Variants in OTUD7A observed in about 807,000 individuals in gnomAD.
The protein encoded by OTUD7A is OTU domain-containing protein 7A.
A neutral mutation model predicts 65.7 loss-of-function variants in OTUD7A; 12 were observed. The observed-to-expected ratio is 0.18, with a 90% CI of 0.12 to 0.30. OTUD7A has a LOEUF of 0.30. Among genes scored for constraint, OTUD7A ranks in the 10% least tolerant of loss-of-function variants. The pLI is 1.00. For synonymous variants in OTUD7A, 641 were observed against 586.3 expected (o/e 1.09, Z -1.35); for missense variants, 1,148 against 1,304.8 (o/e 0.88, Z 1.85).
chr15:31,838,659 C>A (rs879445768), intron 1 of OTUD7A, among the ~76,000 whole-genome samples: 1 of 24,340 alleles, frequency 4.1e-5, no homozygotes, highest in Non-Finnish European at 1.0e-4. Flanking sequence ...TCTCAAAGAC[C>A]CCCCCCCACT....
At chr15:31,801,661 C>T (rs938163315) in intron 1 of OTUD7A, among the ~76,000 whole-genome samples, 17 of 152,184 alleles carry the variant, frequency 1.1e-4, no homozygotes, top group African/African-American at 3.4e-4. Flanking sequence ...TACATTTCTA[C>T]ATTGTGCTGT....
chr15:31,732,160 C>T lies in OTUD7A; in HGVS notation c.-99-75083G>A, dbSNP rs116529977. Among the ~76,000 whole-genome samples, 379 of 152,334 alleles carry T rather than the reference C, an allele frequency of 2.5e-3. 1 individual carries two copies. Among genetic ancestry groups the T allele is most frequent in the African/African-American group, 8.6e-3 (356 of 41,570 alleles). On this transcript the variant is annotated intron_variant, in intron 1 of 12. Coordinates refer to ENST00000307050, the MANE Select transcript of OTUD7A (RefSeq NM_001382637.1). The stretch of plus-strand genomic sequence containing the variant: ...TACACTTCATGGCCTTTTCCTACAA[C>T]TATTTTTCTTTACTTAGTCATGCAA...
intron 1 of OTUD7A, among the ~76,000 whole-genome samples, chr15:31,835,607 G>T (rs532405204): frequency 3.3e-5 from 5 of 152,206 alleles, no homozygotes; most frequent in African/African-American, 9.6e-5. Flanking sequence ...TCTCCAAACT[G>T]CCCTATTGTT....
chr15:31,637,329 A>AC (rs1325832102), intron 3 of OTUD7A, among the ~76,000 whole-genome samples: 2 of 152,214 alleles, frequency 1.3e-5, no homozygotes, highest in Admixed American at 6.5e-5. Flanking sequence ...TGGGCACAGC[A>AC]CATCTGTTGA....
chr15:31,664,791 G>T (rs1188563814), intron 1 of OTUD7A, among the ~76,000 whole-genome samples: 1 of 152,144 alleles, frequency 6.6e-6, no homozygotes, highest in Non-Finnish European at 1.5e-5. Context: ...ATAGTTTCAG[G>T]TCTTAGATAT....
At chr15:31,699,229 G>A (rs1228453566) in intron 1 of OTUD7A, among the ~76,000 whole-genome samples, 1 of 151,902 alleles carries the variant, frequency 6.6e-6, no homozygotes, top group African/African-American at 2.4e-5. Context: ...ACAGGCGCCC[G>A]CCACCACGCC....
intron 1 of OTUD7A, among the ~76,000 whole-genome samples, chr15:31,738,960 T>C (rs1343197983): frequency 6.6e-6 from 1 of 152,190 alleles, no homozygotes; most frequent in African/African-American, 2.4e-5. Context: ...AGATACCAAG[T>C]ACAGAGGTCT....
chr15:31,787,702 G>C (rs965957682), intron 1 of OTUD7A: 1 of 152,154 alleles, frequency 6.6e-6, no homozygotes, highest in Non-Finnish European at 1.5e-5. Context: ...GAAACCCTTT[G>C]AATAAAAACA....
intron 1 of OTUD7A, among the ~76,000 whole-genome samples, chr15:31,845,558 T>C (rs1053800451): frequency 1.3e-5 from 2 of 152,206 alleles, no homozygotes; most frequent in African/African-American, 4.8e-5. Context: ...GGCAGGGGAA[T>C]CATGCTCAGC....
rs61514382 is a variant in OTUD7A, at chr15:31,483,022, T to G, written c.*272A>C. ...TCTTACTGAGGAACAAAAATACTCT[T>G]GCAATGGCTATTGAGTTTCCACAGG... On this transcript the variant is annotated 3_prime_UTR_variant, in exon 13 of 13. Transcript: ENST00000307050. 0.014 allele frequency: 2,323 copies of G among 167,446 alleles called. 53 individuals are homozygous for G. Among genetic ancestry groups the G allele is most frequent in the African/African-American group, 0.052 (2,183 of 41,740 alleles). 10.4% of individuals were successfully genotyped at this position (167,446 alleles called of 1,614,324 possible). A position where few individuals can be genotyped will look rare whatever the true frequency, so the allele number is the denominator to read the frequency against.
At chr15:31,725,717 T>C (rs1440006356) in intron 1 of OTUD7A, among the ~76,000 whole-genome samples, 1 of 152,214 alleles carries the variant, frequency 6.6e-6, no homozygotes, top group African/African-American at 2.4e-5. Flanking sequence ...GAAATATAAG[T>C]GGCAGATGTC....
At chr15:31,768,169 A>T (rs1371885320) in intron 1 of OTUD7A, 1 of 1,493,216 alleles carries the variant, frequency 6.7e-7, no homozygotes. Flanking sequence ...TGGTGGCCCG[A>T]TAAGGCCCGG....
intron 1 of OTUD7A, among the ~76,000 whole-genome samples, chr15:31,664,471 G>T (rs867386754): frequency 1.3e-5 from 2 of 151,980 alleles, no homozygotes; most frequent in African/African-American, 2.4e-5. Context: ...CTTCTTTTGA[G>T]AACTGTCTAT....
At chr15:31,561,548 C>A (rs565376150) in intron 4 of OTUD7A, among the ~76,000 whole-genome samples, 3 of 152,276 alleles carry the variant, frequency 2.0e-5, no homozygotes, top group African/African-American at 7.2e-5. Flanking sequence ...TCAGCACCCA[C>A]ATGAGACACT....
At chr15:31,616,853 A>C (rs1265966826) in intron 3 of OTUD7A, among the ~76,000 whole-genome samples, 6 of 152,184 alleles carry the variant, frequency 3.9e-5, no homozygotes, top group Non-Finnish European at 8.8e-5. Flanking sequence ...CAGCTTTTAC[A>C]TTTTAAGTTT....
intron 1 of OTUD7A, among the ~76,000 whole-genome samples, chr15:31,749,912 C>T (rs1479054964): frequency 6.6e-6 from 1 of 152,036 alleles, no homozygotes; most frequent in East Asian, 1.9e-4. Flanking sequence ...CATTTCTATA[C>T]ACCAATAACA....
chr15:31,857,143 A>G (rs1897596125), intron 1 of OTUD7A, among the ~76,000 whole-genome samples: 1 of 152,182 alleles, frequency 6.6e-6, no homozygotes, highest in Admixed American at 6.5e-5. Flanking sequence ...TTTTAGACCC[A>G]GCTCCTGGCC....
At chr15:31,767,167 T>C in intron 1 of OTUD7A, 2 of 1,267,020 alleles carry the variant, frequency 1.6e-6, no homozygotes, top group Non-Finnish European at 2.3e-6. Context: ...TCAGTTGATT[T>C]GAAGGAACTC....
chr15:31,582,651 A>G (rs1338589724), intron 3 of OTUD7A, among the ~76,000 whole-genome samples: 3 of 152,204 alleles, frequency 2.0e-5, no homozygotes, highest in Non-Finnish European at 2.9e-5. Flanking sequence ...AGACTTATTC[A>G]CTACCACAAG....
Sources: allele counts gnomAD v4.1 joint callset (sites outside exome capture counted in the v4.1 genomes callset), GRCh38; gene constraint gnomAD v4.1.1; transcripts MANE v1.5; gene names NCBI Gene and HGNC (gene_info 2026-07-23, HGNC 2026-07-21).